The following FHOD3 variants were observed in gnomAD, a reference collection of about 807,000 sequenced individuals.
FHOD3 encodes the protein FH1/FH2 domain-containing protein 3.
In FHOD3, 90 loss-of-function variants were observed where a neutral mutation model predicts 173.0. The ratio of observed to expected loss-of-function variants is 0.52; its 90% CI spans 0.44 to 0.62. The LOEUF (loss-of-function observed/expected upper bound fraction) is 0.62. Ranked by LOEUF, FHOD3 falls within the 20% of genes least tolerant of loss-of-function variation. FHOD3 has a pLI of 0.00. For missense variants in FHOD3, 1,945 were observed against 2,034.7 expected, an observed-to-expected ratio of 0.96 and a Z score of 0.85; for synonymous variants, 828 against 823.0, an observed-to-expected ratio of 1.01 and a Z score of -0.10.
At chr18:36,508,701 A>G (rs901019438) in intron 4 of FHOD3, among the ~76,000 whole-genome samples, 2 of 151,674 alleles carry the variant, frequency 1.3e-5, no homozygotes, top group African/African-American at 4.8e-5. Context: ...ACTATTTTGC[A>G]GATGAATTAA....
intron 20 of FHOD3, among the ~76,000 whole-genome samples, chr18:36,736,015 A>T (rs987494275): frequency 1.2e-4 from 18 of 152,372 alleles, no homozygotes; most frequent in African/African-American, 4.3e-4. Flanking sequence ...CGCTAAAAAC[A>T]TGGAAGTTAT....
intron 5 of FHOD3, among the ~76,000 whole-genome samples, chr18:36,539,854 G>A (rs11663973): frequency 0.3 from 45,627 of 152,100 alleles, 7,900 homozygotes; most frequent in Non-Finnish European, 0.4. Context: ...GAACAGGCAA[G>A]TCCTGGAAGA....
At chr18:36,481,842 C>T (rs2053918553) in intron 3 of FHOD3, among the ~76,000 whole-genome samples, 1 of 152,106 alleles carries the variant, frequency 6.6e-6, no homozygotes. Flanking sequence ...ACTATTGAAT[C>T]AGAGGCAGTC....
intron 9 of FHOD3, among the ~76,000 whole-genome samples, chr18:36,613,840 A>G (rs1271809484): frequency 1.3e-5 from 2 of 151,888 alleles, no homozygotes; most frequent in Admixed American, 6.6e-5. Flanking sequence ...TGACCAGCTA[A>G]TTTTTATATT....
chr18:36,669,476 T>A (rs1237323775), intron 14 of FHOD3, among the ~76,000 whole-genome samples: 1 of 151,980 alleles, frequency 6.6e-6, no homozygotes, highest in Non-Finnish European at 1.5e-5. Flanking sequence ...TCCACCTTTT[T>A]ATTCTTTCTT....
chr18:36,779,402 C>T, intron 28 of FHOD3, 46 bp from the exon 29 acceptor site: 1 of 1,584,042 alleles, frequency 6.3e-7, no homozygotes, highest in Non-Finnish European at 8.7e-7. Context: ...GCTCATACTT[C>T]CTTTTCTTCT....
chr18:36,686,518 A>T (rs1400777334), intron 15 of FHOD3, among the ~76,000 whole-genome samples: 2 of 151,540 alleles, frequency 1.3e-5, no homozygotes, highest in African/African-American at 2.4e-5. Flanking sequence ...GAGCATCAGG[A>T]TAAATAGCTA....
chr18:36,405,449 T>C (rs768834989), intron 3 of FHOD3, among the ~76,000 whole-genome samples: 1 of 152,248 alleles, frequency 6.6e-6, no homozygotes, highest in Non-Finnish European at 1.5e-5. Flanking sequence ...GAGGTAAGTG[T>C]CAGGCTCGTA....
At chr18:36,331,299 A>G (rs188190202) in intron 1 of FHOD3, among the ~76,000 whole-genome samples, 528 of 152,340 alleles carry the variant, frequency 3.5e-3, no homozygotes, top group Non-Finnish European at 4.4e-3. Flanking sequence ...CTTAATTGAC[A>G]AAAGAACTGG....
chr18:36,349,268 G>C (rs530354836), intron 1 of FHOD3, among the ~76,000 whole-genome samples: 1 of 152,320 alleles, frequency 6.6e-6, no homozygotes, highest in East Asian at 1.9e-4. Flanking sequence ...AGAGCAGCAA[G>C]AGAGGGCAGC....
intron 5 of FHOD3, among the ~76,000 whole-genome samples, chr18:36,519,839 GCT>G: frequency 6.6e-6 from 1 of 152,118 alleles, no homozygotes. Context: ...AAGCACTTTG[GCT>G]CTAAGGTTGA....
intron 3 of FHOD3, among the ~76,000 whole-genome samples, chr18:36,394,308 C>T (rs1225402367): frequency 6.6e-6 from 1 of 152,096 alleles, no homozygotes. Flanking sequence ...CACAAGCAGA[C>T]ATTGAGATTT....
chr18:36,612,201 C>T, intron 9 of FHOD3, 106 bp downstream of exon 9: 1 of 1,220,630 alleles, frequency 8.2e-7, no homozygotes, highest in Non-Finnish European at 1.1e-6. Flanking sequence ...GCACCACCAG[C>T]TTATTAGAAA....
chr18:36,633,340 T>C (rs1305902615), intron 10 of FHOD3, among the ~76,000 whole-genome samples: 1 of 152,194 alleles, frequency 6.6e-6, no homozygotes, highest in Non-Finnish European at 1.5e-5. Flanking sequence ...CCAATTATTA[T>C]TTTAAAAAGA....
chr18:36,669,399 T>C (rs2149302919), intron 14 of FHOD3, among the ~76,000 whole-genome samples: 1 of 152,070 alleles, frequency 6.6e-6, no homozygotes, highest in East Asian at 1.9e-4. Flanking sequence ...ATCTCTACCT[T>C]TTAATTGGAG....
chr18:36,676,966 T>C (rs976778414), intron 14 of FHOD3, among the ~76,000 whole-genome samples: 1 of 152,218 alleles, frequency 6.6e-6, no homozygotes, highest in African/African-American at 2.4e-5. Flanking sequence ...TTTATTCTTA[T>C]GTAGTCTTTC....
chr18:36,718,355 T>C lies in FHOD3; in HGVS notation c.3057T>C (p.Pro1019=). ...TGGACCTGGGTCACAGGGAGGCCCCTGGGCCACCTCCCCCACCCCCACCCA... is the reference window on the plus strand; with the variant it reads ...TGGACCTGGGTCACAGGGAGGCCCCCGGGCCACCTCCCCCACCCCCACCCA... The part of the protein sequence containing the change: ...LDVDLGHREA[P]GPPPPPPPTF... Residue 1019 remains proline (P), a synonymous_variant, in exon 19 of 29, where the codon CCT becomes CCC. Coordinates refer to ENST00000590592, the MANE Select transcript of FHOD3 (RefSeq NM_001281740.3). 1 of 1,610,430 alleles carries C rather than the reference T, an allele frequency of 6.2e-7. No homozygotes were observed. The highest frequency in any genetic ancestry group is 8.5e-7 in the Non-Finnish European group (1 of 1,178,310).
chr18:36,707,856 T>C (rs1355063647), intron 17 of FHOD3, among the ~76,000 whole-genome samples: 1 of 152,136 alleles, frequency 6.6e-6, no homozygotes, highest in Non-Finnish European at 1.5e-5. Context: ...CTGTGTTGCT[T>C]TGAGCAGTGT....
chr18:36,381,435 C>T (rs1028956450), intron 3 of FHOD3, among the ~76,000 whole-genome samples: 8 of 152,196 alleles, frequency 5.3e-5, no homozygotes, highest in Non-Finnish European at 7.3e-5. Flanking sequence ...TCTGGTTTTA[C>T]GTTGGGAAGT....
Sources: gnomAD v4.1 joint callset for allele counts (sites outside exome capture counted in the v4.1 genomes callset) on GRCh38, gnomAD v4.1.1 for gene constraint, MANE v1.5 for transcripts, NCBI Gene and HGNC (gene_info 2026-07-23, HGNC 2026-07-21) for gene names.